Variants in CUX1 observed in about 807,000 individuals in gnomAD.
CUX1 encodes cut like homeobox 1, also known as protein CASP.
CUX1 carries 31 observed loss-of-function variants against 158.8 expected under a neutral mutation model. The ratio of observed to expected loss-of-function variants is 0.20; its 90% CI spans 0.15 to 0.26. The LOEUF (loss-of-function observed/expected upper bound fraction) is 0.26, where lower values mean the gene tolerates loss of function less well. Among genes scored for constraint, CUX1 ranks in the 10% least tolerant of loss-of-function variants. The pLI, the probability that CUX1 is intolerant of heterozygous loss-of-function variation, is 1.00. For missense variants in CUX1, 1,589 were observed against 2,014.6 expected, an observed-to-expected ratio of 0.79 and a Z score of 4.04; for synonymous variants, 879 against 862.1, an observed-to-expected ratio of 1.02 and a Z score of -0.34.
chr7:102,268,818 A>G (rs1586506211), intron 14 of CUX1, among the ~76,000 whole-genome samples: 2 of 151,594 alleles, frequency 1.3e-5, no homozygotes, highest in East Asian at 3.9e-4. Flanking sequence ...GGGGTGGGGG[A>G]GGTGCCACGC....
chr7:102,084,670 G>A (rs986065620), intron 4 of CUX1, among the ~76,000 whole-genome samples: 15 of 122,610 alleles, frequency 1.2e-4, no homozygotes, highest in East Asian at 5.9e-4. Context: ...TGATCTACCC[G>A]CCTTGGCCTC....
chr7:102,136,774 C>G (rs1199838768), intron 8 of CUX1, among the ~76,000 whole-genome samples: 12 of 152,198 alleles, frequency 7.9e-5, no homozygotes, highest in Non-Finnish European at 1.3e-4. Context: ...GTATCATTCT[C>G]TTCCTTTGCT....
At position 101,916,843 on chromosome 7, in the gene CUX1, G is replaced by A. The variant is rs562015909; in HGVS notation, c.141+618G>A. ...CGGGGGACAGTGTTGAGTTGCTGGG[G>A]TGGCGTTTTTCTGCTCGTTTCCTGG... On this transcript the variant is annotated intron_variant, in intron 2 of 23. Coordinates refer to ENST00000292535, the MANE Select transcript of CUX1 (RefSeq NM_181552.4). The surrounding 1 kb of genome is among the most constrained non-coding windows in gnomAD (Gnocchi z 4.4). Among the ~76,000 whole-genome samples the A allele has an allele frequency of 2.6e-5, 4 of 152,068 alleles. No homozygotes were observed. Among genetic ancestry groups the A allele is most frequent in the African/African-American group, 7.2e-5 (3 of 41,478 alleles).
intron 2 of CUX1, among the ~76,000 whole-genome samples, chr7:102,022,356 G>A (rs189712041): frequency 1.3e-5 from 2 of 152,196 alleles, no homozygotes; most frequent in Non-Finnish European, 1.5e-5. Flanking sequence ...AGTAGCACAC[G>A]CCTGTAATCC....
chr7:102,171,017 C>T (rs1791662326), intron 10 of CUX1, among the ~76,000 whole-genome samples: 1 of 152,118 alleles, frequency 6.6e-6, no homozygotes, highest in African/African-American at 2.4e-5. Flanking sequence ...ACATTCTGCA[C>T]CGAGTTTATA....
chr7:102,246,123 C>G (rs1800781709), intron 23 of CUX1, among the ~76,000 whole-genome samples: 1 of 152,184 alleles, frequency 6.6e-6, no homozygotes, highest in Non-Finnish European at 1.5e-5. Context: ...AGCCTGTACT[C>G]TGGTTTTGGG....
chr7:102,268,809 G>T lies in CUX1; in HGVS notation c.1256-4557G>T, dbSNP rs1486645346. Among the ~76,000 whole-genome samples, 6 of 152,118 alleles carry T rather than the reference G, an allele frequency of 3.9e-5. No homozygotes were observed. In the East Asian group the frequency reaches 1.2e-3, roughly 29 times the overall value. On this transcript the variant is annotated intron_variant, in intron 14 of 22. Coordinates refer to the CUX1 transcript ENST00000292538. Reference sequence around the variant, plus strand: ...GCCAGGAGGAAGAGAGAGAGAATGGGGGTGGGGGAGGTGCCACGCTCCTTA... The same window carrying T: ...GCCAGGAGGAAGAGAGAGAGAATGGTGGTGGGGGAGGTGCCACGCTCCTTA...
chr7:102,207,218 C>T (rs1204892841), intron 20 of CUX1, among the ~76,000 whole-genome samples: 1 of 152,142 alleles, frequency 6.6e-6, no homozygotes, highest in Non-Finnish European at 1.5e-5. Flanking sequence ...GAGAAAAAGG[C>T]GATGAGCCCC....
intron 8 of CUX1, among the ~76,000 whole-genome samples, chr7:102,131,370 T>G (rs972708672): frequency 3.9e-5 from 6 of 151,940 alleles, no homozygotes; most frequent in Non-Finnish European, 8.8e-5. Flanking sequence ...AATTGCTCAA[T>G]TGGCCAGGTG....
At chr7:102,036,490 A>T (rs370870537) in intron 3 of CUX1, among the ~76,000 whole-genome samples, 2 of 152,178 alleles carry the variant, frequency 1.3e-5, no homozygotes, top group East Asian at 1.9e-4. Flanking sequence ...CCGTAATCCC[A>T]GCACTTTGGG....
At chr7:102,014,302 C>G (rs1457923524) in intron 2 of CUX1, among the ~76,000 whole-genome samples, 2 of 152,330 alleles carry the variant, frequency 1.3e-5, no homozygotes, top group Non-Finnish European at 1.5e-5. Flanking sequence ...TCCCACAACA[C>G]AGCCACCATT....
intron 1 of CUX1, among the ~76,000 whole-genome samples, chr7:101,862,324 C>T (rs1004325902): frequency 2.0e-5 from 3 of 151,984 alleles, no homozygotes; most frequent in Non-Finnish European, 4.4e-5. Context: ...CAAGAGCTTC[C>T]AGTCTGGTGG....
intron 3 of CUX1, among the ~76,000 whole-genome samples, chr7:102,037,867 C>A (rs1322828688): frequency 6.6e-6 from 1 of 151,664 alleles, no homozygotes; most frequent in African/African-American, 2.4e-5. Flanking sequence ...CCAGTCTGGG[C>A]AACATGGTGA....
intron 1 of CUX1, among the ~76,000 whole-genome samples, chr7:101,893,530 G>A (rs1398246370): frequency 2.6e-5 from 4 of 152,110 alleles, no homozygotes. Context: ...CTTGCCCCCT[G>A]CGAGCGTTCT....
At chr7:102,273,150 A>G (rs1202991526) in intron 14 of CUX1, among the ~76,000 whole-genome samples, 1 of 152,192 alleles carries the variant, frequency 6.6e-6, no homozygotes, top group Admixed American at 6.5e-5. Context: ...GCTTGGGGCC[A>G]GGAGTGCCTC....
chr7:102,201,918 C>T lies in CUX1; in HGVS notation c.2621C>T (p.Ser874Leu), dbSNP rs2132038114. Residue 874 changes from serine to leucine, a missense_variant, in exon 18 of 24, where the codon TCG becomes TTG. This residue lies in a region of CUX1 where 337 missense variants were observed against 409.3 expected (regional missense o/e 0.82). Transcript: ENST00000292535. This position sits in a 1 kb window ranked among gnomAD's most constrained non-coding sequence, Gnocchi z 5.0. The part of the protein sequence containing the change: ...RAERSQLQGP[S>L]SSEYWKEWPS... ...GAGCGCAGTCAGCTCCAGGGACCCT[C>T]GTCGTCAGAGTACTGGAAGGAGTGG... 7.4e-6 allele frequency: 12 copies of T among 1,614,028 alleles called. No homozygotes were observed. The highest frequency in any genetic ancestry group is 2.2e-5 in the East Asian group (1 of 44,870).
At chr7:102,112,596 G>T (rs1831048559) in intron 7 of CUX1, among the ~76,000 whole-genome samples, 1 of 150,116 alleles carries the variant, frequency 6.7e-6, no homozygotes, top group Non-Finnish European at 1.5e-5. Context: ...TTGAGACAGG[G>T]TCTTGCTCTG....
chr7:101,982,488 G>A (rs1454866690), intron 2 of CUX1, among the ~76,000 whole-genome samples: 1 of 151,756 alleles, frequency 6.6e-6, no homozygotes, highest in African/African-American at 2.4e-5. Flanking sequence ...GTACTGTGTT[G>A]TGATCTTGGC....
chr7:102,171,533 C>A (rs364466), intron 10 of CUX1, among the ~76,000 whole-genome samples: 10,057 of 151,624 alleles, frequency 0.066, 388 homozygotes, highest in African/African-American at 0.084. Flanking sequence ...CTGCAGCCTC[C>A]ACCTCCCAGG....
Sources: allele counts gnomAD v4.1 joint callset (sites outside exome capture counted in the v4.1 genomes callset), GRCh38; gene constraint gnomAD v4.1.1; regional missense constraint gnomAD v4.1.1; non-coding constraint Gnocchi (gnomAD v3.1); transcripts MANE v1.5; gene names NCBI Gene and HGNC (gene_info 2026-07-23, HGNC 2026-07-21).